Variants in LAMA1 observed in about 807,000 individuals in gnomAD.
The protein encoded by LAMA1 is laminin subunit alpha 1, also known as laminin subunit alpha-1.
A neutral mutation model predicts 348.7 loss-of-function variants in LAMA1; 219 were observed. The observed-to-expected ratio is 0.63, with a 90% CI of 0.56 to 0.70. The LOEUF (loss-of-function observed/expected upper bound fraction) is 0.70, where lower values mean the gene tolerates loss of function less well. Among genes scored for constraint, LAMA1 ranks in the 30% least tolerant of loss-of-function variants. LAMA1 has a pLI of 0.00. For synonymous variants in LAMA1, 1,487 were observed against 1,491.0 expected (o/e 1.00, Z 0.06); for missense variants, 3,744 against 3,888.0 (o/e 0.96, Z 0.99).
chr18:6,987,363 T>A (rs1568019775), intron 36 of LAMA1, among the ~76,000 whole-genome samples: 1 of 152,184 alleles, frequency 6.6e-6, no homozygotes, highest in African/African-American at 2.4e-5. Context: ...AATTTATATA[T>A]ACGATAAAAG....
intron 19 of LAMA1, among the ~76,000 whole-genome samples, chr18:7,018,328 C>T (rs1471646346): frequency 7.1e-5 from 6 of 84,972 alleles, no homozygotes; most frequent in African/African-American, 3.1e-4. Context: ...AAGTGTGAAA[C>T]TCCATCTCAA....
intron 51 of LAMA1, chr18:6,964,013 T>C (rs1022321353): frequency 6.5e-6 from 1 of 153,350 alleles, no homozygotes; most frequent in Non-Finnish European, 1.4e-5. Context: ...AAGCATGATT[T>C]CTTTTTTTTT....
intron 9 of LAMA1, among the ~76,000 whole-genome samples, chr18:7,041,775 A>T (rs538906194): frequency 1.3e-5 from 2 of 152,248 alleles, no homozygotes; most frequent in Admixed American, 1.3e-4. Context: ...CCTTCACCAA[A>T]TGCTCAATTA....
intron 27 of LAMA1, among the ~76,000 whole-genome samples, chr18:7,008,962 G>A (rs2057846016): frequency 6.6e-6 from 1 of 152,130 alleles, no homozygotes; most frequent in Admixed American, 6.5e-5. Context: ...CAGTTTTCAT[G>A]TGCAGAAACA....
intron 55 of LAMA1, 110 bp downstream of exon 55, chr18:6,958,367 A>C: frequency 9.2e-5 from 102 of 1,114,260 alleles, no homozygotes; most frequent in Non-Finnish European, 1.2e-4. Context: ...TTATTTGGGA[A>C]TTTGCAAAGT....
chr18:7,012,219 C>G (rs1447563667), intron 23 of LAMA1, 81 bp from the exon 24 acceptor site: 3 of 1,432,476 alleles, frequency 2.1e-6, no homozygotes, highest in Non-Finnish European at 2.9e-6. Flanking sequence ...AAATAGAGCA[C>G]AAACATAATT....
chr18:7,046,447 C>T, intron 5 of LAMA1, 80 bp from the exon 6 acceptor site: 1 of 795,560 alleles, frequency 1.3e-6, no homozygotes, highest in Non-Finnish European at 2.2e-6. Context: ...CAACAAATAT[C>T]TCATGTAGTT....
Position 7,040,163 on chromosome 18 carries a change from A to G in LAMA1, c.1335T>C (p.Tyr445=), listed in dbSNP as rs1375240231. The stretch of plus-strand genomic sequence containing the variant: ...AGGAGACACAGGTCGGGTAATCCTT[A>G]TAGCCAAGTTGGCAGCGATCACATT... ...GEKCDRCQLG[Y]KDYPTCVSCG... The change falls in exon 10 of 63, where the codon TAT becomes TAC. Residue 445 remains tyrosine, a synonymous_variant. Coordinates refer to ENST00000389658, the MANE Select transcript of LAMA1 (RefSeq NM_005559.4). 15 of 1,614,124 alleles carry G rather than the reference A, an allele frequency of 9.3e-6. No individual in the cohort carries two copies. The highest frequency in any genetic ancestry group is 1.2e-5 in the Non-Finnish European group (14 of 1,180,022).
In LAMA1 at chr18:6,944,268, G is replaced by A. The variant is rs565931081; in HGVS notation, c.8845-866C>T. Among the ~76,000 whole-genome samples, 13 of 152,228 alleles carry A rather than the reference G, an allele frequency of 8.5e-5. No individual in the cohort carries two copies. The East Asian group carries it at 1.2e-3, about 14-fold the overall frequency. On this transcript the variant is annotated intron_variant, in intron 61 of 62. Transcript: ENST00000389658. ...TGACCTCAGGTGATTTGCCCACCTC[G>A]GCCTCCCAAAGTGCCGGGATTACAG...
chr18:7,017,365 T>C lies in LAMA1; in HGVS notation c.2721A>G (p.Lys907=). Residue 907 remains lysine, a synonymous_variant, in exon 20 of 63, where the codon AAA becomes AAG. Transcript: ENST00000389658. ...KNCRACECHV[K]GSHSAVCHLE... is the part of the protein sequence containing the mutation. The stretch of plus-strand genomic sequence containing the variant: ...GATGGCACACGGCAGAATGGGAGCC[T>C]TTCACATGGCATTCACAGGCTAAAC... 1.2e-6 allele frequency: 2 copies of C among 1,613,786 alleles called. No homozygotes were observed. The highest frequency in any genetic ancestry group is 1.7e-6 in the Non-Finnish European group (2 of 1,179,892).
intron 60 of LAMA1, 148 bp downstream of exon 60, chr18:6,948,255 A>G (rs2057530939): frequency 9.0e-7 from 1 of 1,114,822 alleles, no homozygotes; most frequent in Non-Finnish European, 1.3e-6. Flanking sequence ...TTTTACGCCA[A>G]GAAATTAGGA....
chr18:7,093,662 T>C (rs2058248828), intron 1 of LAMA1, among the ~76,000 whole-genome samples: 1 of 151,964 alleles, frequency 6.6e-6, no homozygotes. Context: ...TGATTAATAA[T>C]ACCATAACAT....
intron 43 of LAMA1, 36 bp downstream of exon 43, chr18:6,978,160 A>T: frequency 6.2e-7 from 1 of 1,613,326 alleles, no homozygotes; most frequent in Non-Finnish European, 8.5e-7. Context: ...TGCATGACGC[A>T]GACGATCATG....
intron 1 of LAMA1, among the ~76,000 whole-genome samples, chr18:7,085,413 CTTTTTTTTTTTTT>C (rs36122063): frequency 1.2e-5 from 1 of 85,276 alleles, no homozygotes; most frequent in South Asian, 4.5e-4. Context: ...TCTTCTTCTT[CTTTTTTTTTTTTT>C]TTTTTTTTTG....
intron 1 of LAMA1, among the ~76,000 whole-genome samples, chr18:7,099,080 G>T (rs1209868048): frequency 6.6e-6 from 1 of 151,938 alleles, no homozygotes; most frequent in Non-Finnish European, 1.5e-5. Flanking sequence ...TGTCTGTGTA[G>T]AAAGAAGTAG....
At chr18:7,048,756 A>G (rs553274911) in intron 5 of LAMA1, among the ~76,000 whole-genome samples, 12 of 152,292 alleles carry the variant, frequency 7.9e-5, no homozygotes, top group South Asian at 4.1e-4. Context: ...ATTTGATATG[A>G]AAGAAAATTC....
At chr18:6,949,320 T>G in intron 58 of LAMA1, 61 bp from the exon 59 acceptor site, 1 of 1,498,362 alleles carries the variant, frequency 6.7e-7, no homozygotes, top group Non-Finnish European at 9.3e-7. Flanking sequence ...TTAACAGATG[T>G]ATAAACTTTA....
Position 7,108,728 on chromosome 18 carries a change from T to C in LAMA1, c.61+8932A>G, listed in dbSNP as rs1179538614. 2.0e-5 allele frequency among the ~76,000 whole-genome samples: 3 copies of C among 150,576 alleles called. No individual in the cohort carries two copies. In the East Asian group the frequency reaches 5.8e-4, roughly 29 times the overall value. ...CCAAAAGCATTCATATGTGGATGCA[T>C]TATCTCCAGTTCTCCCCACTCCAAA... On this transcript the variant is annotated intron_variant, in intron 1 of 62. Transcript: ENST00000389658.
rs751809093 is a variant in LAMA1, at chr18:7,011,329, G to A, written c.3658C>T (p.Arg1220Trp). 12 of 1,611,938 alleles carry A rather than the reference G, an allele frequency of 7.4e-6. No individual in the cohort carries two copies. Among genetic ancestry groups the A allele is most frequent in the East Asian group, 6.7e-5 (3 of 44,858 alleles). ...QHIRAEPFYWRLPQQFQGDQL... is the reference protein window; with the variant it reads ...QHIRAEPFYWWLPQQFQGDQL... The stretch of plus-strand genomic sequence containing the variant: ...TCTCCTTGGAACTGCTGCGGCAGCC[G>A]CCAGTAAAACGGCTCTGCACGGATG... Residue 1220 changes from arginine to tryptophan, a missense_variant, in exon 25 of 63, where the codon CGG becomes TGG. By Grantham distance (101) the Arg-to-Trp change is moderately radical. This residue lies in a region of LAMA1 where 1,529 missense variants were observed against 1,689.4 expected (regional missense o/e 0.91). Transcript: ENST00000389658.
Sources: gnomAD v4.1 joint callset for allele counts (sites outside exome capture counted in the v4.1 genomes callset) on GRCh38, gnomAD v4.1.1 for gene constraint, gnomAD v4.1.1 regional missense constraint, MANE v1.5 for transcripts, NCBI Gene and HGNC (gene_info 2026-07-23, HGNC 2026-07-21) for gene names.